Variants in RBFOX1 observed in about 807,000 individuals in gnomAD.
The protein encoded by RBFOX1 is RNA binding protein fox-1 homolog 1.
RBFOX1 carries 8 observed loss-of-function variants against 57.7 expected under a neutral mutation model. The observed-to-expected ratio is 0.14, with a 90% CI of 0.08 to 0.25. The LOEUF (loss-of-function observed/expected upper bound fraction) is 0.25, where lower values mean the gene tolerates loss of function less well. Ranked by LOEUF, RBFOX1 falls within the 10% of genes least tolerant of loss-of-function variation. The pLI is 1.00. For synonymous variants in RBFOX1, 326 were observed against 222.4 expected, an observed-to-expected ratio of 1.47 and a Z score of -4.15; for missense variants, 611 against 548.5, an observed-to-expected ratio of 1.11 and a Z score of -1.14.
At position 6,866,421 on chromosome 16, in the gene RBFOX1, C is replaced by G. The variant is rs80341809; in HGVS notation, c.-15-185636C>G. On this transcript the variant is annotated intron_variant, in intron 3 of 15. Transcript: ENST00000550418. The stretch of plus-strand genomic sequence containing the variant: ...CAAACCTTATCCATCATCTCCATGA[C>G]TTCTAGTGTCTTTCCCATCTGCATC... 4.6e-3 allele frequency among the ~76,000 whole-genome samples: 699 copies of G among 151,398 alleles called. 8 individuals carry two copies. Among genetic ancestry groups the G allele is most frequent in the African/African-American group, 0.016 (663 of 41,260 alleles).
In RBFOX1 at chr16:6,975,942, A is replaced by T. The variant is rs528652295; in HGVS notation, c.-15-76115A>T. Reference sequence around the variant, plus strand: ...GGAGTTCCAGATCATGCTGGCCAACATGGTGAAACCCCATCTGTACTAAAA... The same window carrying T: ...GGAGTTCCAGATCATGCTGGCCAACTTGGTGAAACCCCATCTGTACTAAAA... On this transcript the variant is annotated intron_variant, in intron 3 of 15. Coordinates refer to ENST00000550418, the MANE Select transcript of RBFOX1 (RefSeq NM_018723.4). Among the ~76,000 whole-genome samples the T allele has an allele frequency of 1.4e-3, 211 of 152,218 alleles. 3 individuals are homozygous for T. The highest frequency in any genetic ancestry group is 4.4e-3 in the African/African-American group (181 of 41,538).
intron 4 of RBFOX1, among the ~76,000 whole-genome samples, chr16:5,932,496 G>T (rs1164131667): frequency 6.6e-6 from 1 of 152,204 alleles, no homozygotes; most frequent in East Asian, 1.9e-4. Context: ...AGAGACCCCA[G>T]CCATGCCATG....
intron 3 of RBFOX1, among the ~76,000 whole-genome samples, chr16:6,816,462 C>T (rs1229727063): frequency 1.3e-5 from 2 of 149,038 alleles, no homozygotes; most frequent in African/African-American, 5.0e-5. Flanking sequence ...GTCTTGTTGG[C>T]CGGGTGTGGT....
At chr16:7,290,797 C>T (rs1197051543) in intron 4 of RBFOX1, among the ~76,000 whole-genome samples, 1 of 152,188 alleles carries the variant, frequency 6.6e-6, no homozygotes, top group Admixed American at 6.5e-5. Flanking sequence ...ACCATTAACA[C>T]TCGCTGTAAT....
intron 1 of RBFOX1, among the ~76,000 whole-genome samples, chr16:6,215,325 GA>G (rs1396928732): frequency 7.0e-6 from 1 of 142,282 alleles, no homozygotes; most frequent in Admixed American, 7.0e-5. Flanking sequence ...GAGAGACAGA[GA>G]GGGGAGGGGG....
chr16:6,432,044 C>T (rs774207194), intron 2 of RBFOX1, among the ~76,000 whole-genome samples: 1 of 151,806 alleles, frequency 6.6e-6, no homozygotes, highest in Non-Finnish European at 1.5e-5. Flanking sequence ...TTATTGTAGC[C>T]TCTAACTCCT....
chr16:6,307,625 TA>T (rs987387463), intron 1 of RBFOX1, among the ~76,000 whole-genome samples: 1 of 148,072 alleles, frequency 6.8e-6, no homozygotes, highest in African/African-American at 2.4e-5. Context: ...TTTAATTATA[TA>T]TTTTTATAAA....
At chr16:5,541,909 G>A (rs1159526724) in intron 2 of RBFOX1, among the ~76,000 whole-genome samples, 2 of 152,082 alleles carry the variant, frequency 1.3e-5, no homozygotes, top group East Asian at 1.9e-4. Flanking sequence ...TTTTATTTCA[G>A]TAGTTTTTTG....
At chr16:6,977,797 A>C (rs1405882888) in intron 3 of RBFOX1, among the ~76,000 whole-genome samples, 3 of 152,138 alleles carry the variant, frequency 2.0e-5, no homozygotes, top group African/African-American at 7.2e-5. Flanking sequence ...TCCCGTAGTC[A>C]GTGTGGATTG....
chr16:5,285,011 G>C (rs2063358952), intron 1 of RBFOX1, among the ~76,000 whole-genome samples: 1 of 151,878 alleles, frequency 6.6e-6, no homozygotes. Context: ...TCATTTGCAA[G>C]ACTTAGGAAG....
intron 3 of RBFOX1, among the ~76,000 whole-genome samples, chr16:7,050,698 AT>A (rs2049761281): frequency 6.6e-6 from 1 of 152,224 alleles, no homozygotes; most frequent in Non-Finnish European, 1.5e-5. Flanking sequence ...ATATCTCTAT[AT>A]TTAAAACTAT....
intron 3 of RBFOX1, among the ~76,000 whole-genome samples, chr16:5,750,602 A>G (rs920844889): frequency 1.3e-5 from 2 of 152,284 alleles, no homozygotes; most frequent in South Asian, 4.2e-4. Flanking sequence ...GCCGTCTTGC[A>G]GTTCGATCTC....
intron 2 of RBFOX1, chr16:6,483,505 A>G: frequency 6.5e-7 from 1 of 1,535,596 alleles, no homozygotes; most frequent in African/African-American, 1.4e-5. Flanking sequence ...CGACAATGAA[A>G]TCTTGGCAGC....
intron 4 of RBFOX1, among the ~76,000 whole-genome samples, chr16:7,242,021 G>A (rs1314556298): frequency 1.3e-5 from 2 of 151,564 alleles, no homozygotes; most frequent in East Asian, 3.9e-4. Context: ...CTTTTTTTGT[G>A]CAGTGTCCCT....
intron 3 of RBFOX1, among the ~76,000 whole-genome samples, chr16:5,658,161 G>A (rs1027620401): frequency 2.6e-5 from 4 of 152,196 alleles, no homozygotes; most frequent in African/African-American, 9.6e-5. Flanking sequence ...CAAGTGGAGT[G>A]AGCAGAGGAA....
chr16:5,784,488 A>G (rs947257610), intron 3 of RBFOX1, among the ~76,000 whole-genome samples: 2 of 151,958 alleles, frequency 1.3e-5, no homozygotes, highest in South Asian at 2.1e-4. Flanking sequence ...CAGCAGAGAG[A>G]CGGGGGAGGT....
chr16:7,061,618 C>G (rs549406558), intron 4 of RBFOX1, among the ~76,000 whole-genome samples: 2 of 152,208 alleles, frequency 1.3e-5, no homozygotes, highest in Non-Finnish European at 2.9e-5. Flanking sequence ...TATTCATTCT[C>G]CCTTTCCCTT....
intron 2 of RBFOX1, among the ~76,000 whole-genome samples, chr16:6,402,013 G>A (rs2093090600): frequency 6.6e-6 from 1 of 151,446 alleles, no homozygotes; most frequent in Admixed American, 6.6e-5. Context: ...CGTTCCTCTG[G>A]CCCCAACCGT....
chr16:6,833,482 G>C (rs1460127504), intron 3 of RBFOX1, among the ~76,000 whole-genome samples: 1 of 152,058 alleles, frequency 6.6e-6, no homozygotes, highest in African/African-American at 2.4e-5. Flanking sequence ...CTTTATTTTA[G>C]CTCCCACCTT....
Sources: gnomAD v4.1 joint callset for allele counts (sites outside exome capture counted in the v4.1 genomes callset) on GRCh38, gnomAD v4.1.1 for gene constraint, MANE v1.5 for transcripts, NCBI Gene and HGNC (gene_info 2026-07-23, HGNC 2026-07-21) for gene names.